Variants in ESR1 observed in about 807,000 individuals in gnomAD.
ESR1 encodes estrogen receptor.
ESR1 carries 12 observed loss-of-function variants against 52.7 expected under a neutral mutation model. That is an observed-to-expected ratio of 0.23 (90% confidence interval 0.15 to 0.37). ESR1 has a LOEUF of 0.37. Ranked by LOEUF, ESR1 falls within the 10% of genes least tolerant of loss-of-function variation. The pLI is 1.00. For synonymous variants in ESR1, 305 were observed against 316.8 expected (o/e 0.96, Z 0.39); for missense variants, 584 against 779.7 (o/e 0.75, Z 2.99).
chr6:151,752,377 AT>A (rs1170680495), intron 2 of ESR1, among the ~76,000 whole-genome samples: 5 of 152,184 alleles, frequency 3.3e-5, no homozygotes, highest in African/African-American at 1.2e-4. Context: ...TGTAGAGGCA[AT>A]GACACATTTA....
chr6:151,896,801 T>G (rs1795589868), intron 3 of ESR1, among the ~76,000 whole-genome samples: 1 of 152,180 alleles, frequency 6.6e-6, no homozygotes, highest in South Asian at 2.1e-4. Context: ...CTTTCAGAGT[T>G]TTTGAGTAGG....
intron 3 of ESR1, among the ~76,000 whole-genome samples, chr6:151,912,849 C>T (rs1233868545): frequency 1.3e-5 from 2 of 152,060 alleles, no homozygotes; most frequent in African/African-American, 4.8e-5. Context: ...TGTTCGCACT[C>T]ATAAGTGGGA....
chr6:151,901,964 A>G (rs1796760158), intron 3 of ESR1, among the ~76,000 whole-genome samples: 1 of 152,118 alleles, frequency 6.6e-6, no homozygotes, highest in Non-Finnish European at 1.5e-5. Context: ...CCTTTCCACC[A>G]TTTTTTGGCC....
intron 2 of ESR1, among the ~76,000 whole-genome samples, chr6:151,775,899 G>A (rs1051818680): frequency 1.3e-5 from 2 of 152,218 alleles, no homozygotes; most frequent in Non-Finnish European, 1.5e-5. Flanking sequence ...GGCAAGAAAC[G>A]TCAGGCCCAG....
At chr6:151,965,490 T>A (rs985694) in intron 4 of ESR1, among the ~76,000 whole-genome samples, 1 of 151,888 alleles carries the variant, frequency 6.6e-6, no homozygotes, top group Admixed American at 6.6e-5. Flanking sequence ...ATATAATACA[T>A]CCCTGAAGTT....
intron 4 of ESR1, among the ~76,000 whole-genome samples, chr6:151,985,438 A>G (rs779020779): frequency 7.1e-6 from 1 of 140,064 alleles, no homozygotes; most frequent in Non-Finnish European, 1.5e-5. Flanking sequence ...AACCCAGGAG[A>G]TGAAGACTGT....
intron 4 of ESR1, among the ~76,000 whole-genome samples, chr6:151,984,337 G>T (rs2040253063): frequency 6.6e-6 from 1 of 151,888 alleles, no homozygotes; most frequent in Non-Finnish European, 1.5e-5. Context: ...TGAAATCAGA[G>T]ACTTTCATAA....
chr6:151,925,124 T>TTTTTGTTTGTTTGTTTG (rs1554285733), intron 3 of ESR1, among the ~76,000 whole-genome samples: 40 of 150,704 alleles, frequency 2.7e-4, no homozygotes, highest in African/African-American at 9.2e-4. Context: ...CAGCATCTGG[T>TTTTTGTTTGTTTGTTTG]TTTTTTTGTT....
intron 2 of ESR1, among the ~76,000 whole-genome samples, chr6:151,710,204 T>C (rs772429698): frequency 8.6e-5 from 13 of 152,036 alleles, no homozygotes; most frequent in Non-Finnish European, 8.8e-5. Context: ...ATAGTCTCTT[T>C]TAACATTTGG....
chr6:151,806,623 T>C (rs116709749), upstream of ESR1, among the ~76,000 whole-genome samples: 1,275 of 150,692 alleles, frequency 8.5e-3, 25 homozygotes, highest in African/African-American at 0.03. Flanking sequence ...AAAACTTTTT[T>C]CTATTTGTTT....
At chr6:151,707,656 T>G (rs1263704124) in intron 2 of ESR1, among the ~76,000 whole-genome samples, 1 of 152,080 alleles carries the variant, frequency 6.6e-6, no homozygotes, top group Non-Finnish European at 1.5e-5. Flanking sequence ...TTCCAAAAAG[T>G]GGAAATAGAA....
intron 1 of ESR1, among the ~76,000 whole-genome samples, chr6:151,664,500 C>G (rs770278887): frequency 2.0e-5 from 3 of 152,160 alleles, no homozygotes; most frequent in African/African-American, 7.2e-5. Context: ...GGCAATTTCT[C>G]TTTAGGCTGA....
chr6:151,730,374 T>A (rs761795832), intron 2 of ESR1, among the ~76,000 whole-genome samples: 1 of 152,144 alleles, frequency 6.6e-6, no homozygotes, highest in Non-Finnish European at 1.5e-5. Flanking sequence ...GTCCCTTCAC[T>A]GGTCCTGCCC....
At chr6:151,989,209 G>C (rs555306025) in intron 4 of ESR1, among the ~76,000 whole-genome samples, 1 of 152,060 alleles carries the variant, frequency 6.6e-6, no homozygotes, top group Non-Finnish European at 1.5e-5. Flanking sequence ...GAAATTTAAG[G>C]CCTGTTAAGC....
At chr6:151,664,587 C>A (rs986904737) in intron 1 of ESR1, among the ~76,000 whole-genome samples, 1 of 152,128 alleles carries the variant, frequency 6.6e-6, no homozygotes, top group African/African-American at 2.4e-5. Flanking sequence ...TAAAGGTCAA[C>A]GATTGAACAC....
intron 4 of ESR1, among the ~76,000 whole-genome samples, chr6:151,967,972 C>T (rs992068533): frequency 6.6e-6 from 1 of 152,104 alleles, no homozygotes; most frequent in Non-Finnish European, 1.5e-5. Flanking sequence ...GTTGGCCTCA[C>T]AAATGTCTTC....
intron 1 of ESR1, among the ~76,000 whole-genome samples, chr6:151,836,963 T>A (rs1359761581): frequency 1.3e-5 from 2 of 152,228 alleles, no homozygotes; most frequent in Admixed American, 1.3e-4. Flanking sequence ...TCGTTATTTA[T>A]GGTTGGAAAA....
intron 4 of ESR1, among the ~76,000 whole-genome samples, chr6:151,950,029 A>T (rs575723880): frequency 3.9e-5 from 6 of 152,300 alleles, no homozygotes; most frequent in Admixed American, 2.0e-4. Context: ...TGTTCCTGTG[A>T]TAGTGAGTAA....
chr6:152,020,521 G>A (rs1260608104), intron 5 of ESR1, among the ~76,000 whole-genome samples: 1 of 152,040 alleles, frequency 6.6e-6, no homozygotes, highest in East Asian at 1.9e-4. Context: ...TGTGATCTCG[G>A]CTCACTTCAA....
Sources: allele counts gnomAD v4.1 joint callset (sites outside exome capture counted in the v4.1 genomes callset), GRCh38; gene constraint gnomAD v4.1.1; transcripts MANE v1.5; gene names NCBI Gene and HGNC (gene_info 2026-07-23, HGNC 2026-07-21).